Variants in GRHL3 observed in about 807,000 individuals in gnomAD.
GRHL3 encodes grainyhead like transcription factor 3, also known as grainyhead-like protein 3 homolog.
A neutral mutation model predicts 70.3 loss-of-function variants in GRHL3; 20 were observed. That is an observed-to-expected ratio of 0.28 (90% CI 0.20 to 0.41). The LOEUF is 0.41. Ranked by LOEUF, GRHL3 falls within the 10% of genes least tolerant of loss-of-function variation. GRHL3 has a pLI of 1.00. For missense variants in GRHL3, 637 were observed against 762.3 expected, an observed-to-expected ratio of 0.84 and a Z score of 1.94; for synonymous variants, 299 against 299.9, an observed-to-expected ratio of 1.00 and a Z score of 0.03.
At chr1:24,344,483 C>A (rs1020385152) in intron 11 of GRHL3, among the ~76,000 whole-genome samples, 8 of 94,908 alleles carry the variant, frequency 8.4e-5, no homozygotes, top group Admixed American at 1.2e-4. Flanking sequence ...TCTTTCCCCC[C>A]AGAAAAAAAA....
Position 24,342,092 on chromosome 1 carries a change from C to T in GRHL3, c.1048-23C>T, listed in dbSNP as rs1640065106. The T allele has an allele frequency of 6.5e-7, 1 of 1,533,398 alleles. No homozygotes were observed. The highest frequency in any genetic ancestry group is 8.8e-7 in the Non-Finnish European group (1 of 1,135,226). 95.0% of individuals were successfully genotyped at this position (1,533,398 alleles called of 1,614,324 possible). On this transcript the variant is annotated intron_variant, in intron 8 of 15. Transcript: ENST00000361548. The surrounding 1 kb of genome is among the most constrained non-coding windows in gnomAD (Gnocchi z 4.8). ...CTGGCCACCTGGGCAGGCCACTTAC[C>T]CAGCGGCCCCCTCTGTCTCCAGGTG... is the stretch of plus-strand genomic sequence containing the variant.
chr1:24,333,525 T>C (rs979580709), intron 2 of GRHL3, among the ~76,000 whole-genome samples: 4 of 152,190 alleles, frequency 2.6e-5, no homozygotes, highest in Admixed American at 6.5e-5. Flanking sequence ...ATTATACTCA[T>C]GAAAGGTCAC....
At chr1:24,324,731 T>A (rs1639326596) in intron 1 of GRHL3, among the ~76,000 whole-genome samples, 1 of 152,116 alleles carries the variant, frequency 6.6e-6, no homozygotes, top group Non-Finnish European at 1.5e-5. Context: ...CACAGAGATG[T>A]CAGGTTGCTT....
intron 15 of GRHL3, among the ~76,000 whole-genome samples, chr1:24,362,974 G>A (rs1011988782): frequency 2.4e-4 from 37 of 152,260 alleles, no homozygotes; most frequent in African/African-American, 8.7e-4. Context: ...CTGGCTTGTG[G>A]CTCCCCCTTC....
intron 12 of GRHL3, among the ~76,000 whole-genome samples, chr1:24,345,312 CT>C (rs1368547696): frequency 2.8e-5 from 4 of 144,214 alleles, no homozygotes; most frequent in African/African-American, 7.8e-5. Context: ...CCTGTACCCC[CT>C]CTACACCTGT....
chr1:24,364,041 C>A, intron 15 of GRHL3: 2 of 1,251,566 alleles, frequency 1.6e-6, no homozygotes, highest in Non-Finnish European at 1.0e-6. Context: ...CCATGTCCTG[C>A]TGCTTCCGTT....
rs74062143 is a variant in GRHL3, at chr1:24,329,459, C to T, written c.18-1967C>T. Among the ~76,000 whole-genome samples, 1,189 of 152,338 alleles carry T rather than the reference C, an allele frequency of 7.8e-3. 23 individuals carry two copies. The highest frequency in any genetic ancestry group is 0.027 in the African/African-American group (1,139 of 41,562). On this transcript the variant is annotated intron_variant, in intron 1 of 15. Coordinates refer to ENST00000361548, the MANE Select transcript of GRHL3 (RefSeq NM_198173.3). Reference sequence around the variant, plus strand: ...TTTTTCTGCTGTGATAAAGACTGCACCCCTGCATCAACGGAAAAGCAGTGT... The same window carrying T: ...TTTTTCTGCTGTGATAAAGACTGCATCCCTGCATCAACGGAAAAGCAGTGT...
intron 11 of GRHL3, among the ~76,000 whole-genome samples, chr1:24,344,485 GAAAAAAA>G (rs57193515): frequency 0.21 from 11,568 of 56,108 alleles, 997 homozygotes; most frequent in African/African-American, 0.34. Flanking sequence ...TTTCCCCCCA[GAAAAAAA>G]AAAAAAAAAA....
At chr1:24,348,368 G>T (rs1211695144) in intron 14 of GRHL3, among the ~76,000 whole-genome samples, 1 of 152,112 alleles carries the variant, frequency 6.6e-6, no homozygotes, top group African/African-American at 2.4e-5. Flanking sequence ...ACTTGCCAGG[G>T]TTACTCAGCT....
intron 15 of GRHL3, among the ~76,000 whole-genome samples, chr1:24,350,871 C>T (rs1435185371): frequency 6.6e-6 from 1 of 152,218 alleles, no homozygotes; most frequent in Non-Finnish European, 1.5e-5. Flanking sequence ...CCTTTGTTGT[C>T]TGCTCAGAAG....
At position 24,335,614 on chromosome 1, in the gene GRHL3, G is replaced by A. The variant is rs958522527; in HGVS notation, c.267-868G>A. On this transcript the variant is annotated intron_variant, in intron 3 of 15. Transcript: ENST00000361548. ...TTTTTTTTTTTTGAGACGGAGTCTC[G>A]CTCTGTTGCCCAGGCTGGAGTGCAG... 2.8e-5 allele frequency among the ~76,000 whole-genome samples: 4 copies of A among 145,406 alleles called. 1 individual carries two copies. Among genetic ancestry groups the A allele is most frequent in the African/African-American group, 7.8e-5 (3 of 38,630 alleles).
At position 24,321,752 on chromosome 1, in the gene GRHL3, A is replaced by G. The variant is rs1037019377; in HGVS notation, c.17+2184A>G. ...GGCCAGGCCCCGGGTGTAAGGCGGC[A>G]CTTCGAAGGCTGGTCTCTGAGAAGC... On this transcript the variant is annotated intron_variant, in intron 1 of 15. Coordinates refer to ENST00000361548, the MANE Select transcript of GRHL3 (RefSeq NM_198173.3). The surrounding 1 kb of genome is among the most constrained non-coding windows in gnomAD (Gnocchi z 4.0). 1 of 152,232 alleles carries G rather than the reference A, an allele frequency of 6.6e-6. No homozygotes were observed. Among genetic ancestry groups the G allele is most frequent in the Non-Finnish European group, 1.5e-5 (1 of 68,060 alleles). 9.4% of individuals were successfully genotyped at this position (152,232 alleles called of 1,614,324 possible). A position where few individuals can be genotyped will look rare whatever the true frequency, so the allele number is the denominator to read the frequency against.
At chr1:24,364,131 C>T (rs60585087) in intron 15 of GRHL3, 12 of 1,469,564 alleles carry the variant, frequency 8.2e-6, no homozygotes, top group Non-Finnish European at 1.0e-5. Flanking sequence ...GTGAGAAACA[C>T]CAACTTTCCC....
chr1:24,359,208 G>A (rs752440414), downstream of GRHL3, among the ~76,000 whole-genome samples: 11 of 152,204 alleles, frequency 7.2e-5, no homozygotes, highest in Non-Finnish European at 1.2e-4. The surrounding 1 kb of genome is among the most constrained non-coding windows in gnomAD (Gnocchi z 5.3). Context: ...GCACGTGCAC[G>A]TGCCCAGGAA....
chr1:24,356,701 G>C (rs1470884738), downstream of GRHL3, among the ~76,000 whole-genome samples: 2 of 152,228 alleles, frequency 1.3e-5, no homozygotes, highest in Non-Finnish European at 2.9e-5. Context: ...GAGCCTCAGG[G>C]CTCACTGGTG....
rs200652417 is a variant in GRHL3 at position 24,337,086 on chromosome 1, C to T, written c.621C>T (p.Leu207=). 2.5e-5 allele frequency: 41 copies of T among 1,613,868 alleles called. No individual in the cohort carries two copies. Among genetic ancestry groups the T allele is most frequent in the Admixed American group, 3.3e-5 (2 of 59,996 alleles). Residue 207 remains leucine (L), a synonymous_variant, in exon 5 of 16, where the codon CTC becomes CTT. Coordinates refer to ENST00000361548, the MANE Select transcript of GRHL3 (RefSeq NM_198173.3). ...TFKDDPQESM[L]FPDILKTSPE... Reference sequence around the variant, plus strand: ...GCTGTGTTTCTCTGCAGTCGATGCTCTTCCCAGATATCCTGAAAACCTCCC... The same window carrying T: ...GCTGTGTTTCTCTGCAGTCGATGCTTTTCCCAGATATCCTGAAAACCTCCC...
At chr1:24,327,918 T>C (rs1303741902) in intron 1 of GRHL3, among the ~76,000 whole-genome samples, 1 of 152,190 alleles carries the variant, frequency 6.6e-6, no homozygotes, top group Non-Finnish European at 1.5e-5. Context: ...CACAAGTCAA[T>C]ACTAACCTTA....
chr1:24,357,814 T>C (rs74060309), downstream of GRHL3: 10,384 of 280,532 alleles, frequency 0.037, 997 homozygotes, highest in African/African-American at 0.21. Flanking sequence ...GTGGACTCCA[T>C]GGAAGGGCCT....
Position 24,362,683 on chromosome 1 carries a change from C to T in GRHL3, c.1695-1502C>T, listed in dbSNP as rs186484633. ...TGGTGACAGACAGGCAACTGAGCCT[C>T]GTAAAAGACTGACAGGGCCCTTCCA... On this transcript the variant is annotated intron_variant, in intron 15 of 15. Transcript: ENST00000350501. Among the ~76,000 whole-genome samples the T allele has an allele frequency of 1.8e-3, 269 of 152,264 alleles. 1 individual carries two copies. The highest frequency in any genetic ancestry group is 6.1e-3 in the African/African-American group (255 of 41,534).
Sources: gnomAD v4.1 joint callset for allele counts (sites outside exome capture counted in the v4.1 genomes callset) on GRCh38, gnomAD v4.1.1 for gene constraint, Gnocchi (gnomAD v3.1) non-coding constraint, MANE v1.5 for transcripts, NCBI Gene and HGNC (gene_info 2026-07-23, HGNC 2026-07-21) for gene names.